CSMD1: variants seen among roughly 807,000 people sequenced by gnomAD.
CSMD1 encodes the protein CUB and sushi domain-containing protein 1.
Under a neutral mutation model 417.5 loss-of-function variants are expected in CSMD1, and 213 were observed. That is an observed-to-expected ratio of 0.51 (90% CI 0.46 to 0.57). The LOEUF (loss-of-function observed/expected upper bound fraction) is 0.57. Among genes scored for constraint, CSMD1 ranks in the 20% least tolerant of loss-of-function variants. The probability of loss-of-function intolerance (pLI) is 0.00; values close to 1 mark genes in which losing one functional copy is unlikely to be tolerated. For synonymous variants in CSMD1, 2,862 were observed against 1,736.8 expected, an observed-to-expected ratio of 1.65 and a Z score of -16.11; for missense variants, 6,923 against 4,529.7, an observed-to-expected ratio of 1.53 and a Z score of -15.17.
chr8:4,016,126 C>A (rs1163575504), intron 4 of CSMD1, among the ~76,000 whole-genome samples: 1 of 152,044 alleles, frequency 6.6e-6, no homozygotes, highest in African/African-American at 2.4e-5. Flanking sequence ...TATAAAAGTT[C>A]ATATAAAACA....
At position 3,087,139 on chromosome 8, in the gene CSMD1, G is replaced by C. The variant is rs545724517; in HGVS notation, c.7432C>G (p.Leu2478Val). Residue 2478 changes from leucine (L) to valine (V), a missense_variant, in exon 49 of 70, where the codon CTT (leucine) becomes GTT (valine). Coordinates refer to ENST00000635120, the MANE Select transcript of CSMD1 (RefSeq NM_033225.6). ...HSNATCRRNP[L>V]GMYQWDSLTP... is the part of the protein sequence containing the mutation. ...AGGGAGTCCCACTGGTACATGCCAAGTGGGTTTCGTCTACAGGTTGCATTG... is the reference window on the plus strand; with the variant it reads ...AGGGAGTCCCACTGGTACATGCCAACTGGGTTTCGTCTACAGGTTGCATTG... 3 of 1,613,816 alleles carry C rather than the reference G, an allele frequency of 1.9e-6. No individual in the cohort carries two copies. Among genetic ancestry groups the C allele is most frequent in the Admixed American group, 3.3e-5 (2 of 60,028 alleles).
At chr8:4,991,340 C>T (rs908248221) in intron 1 of CSMD1, among the ~76,000 whole-genome samples, 1 of 152,194 alleles carries the variant, frequency 6.6e-6, no homozygotes, top group Non-Finnish European at 1.5e-5. Flanking sequence ...AAAAGGAAAT[C>T]GCCAGTGAAT....
chr8:4,221,141 C>T (rs568729505), intron 3 of CSMD1, among the ~76,000 whole-genome samples: 2 of 152,168 alleles, frequency 1.3e-5, no homozygotes, highest in Non-Finnish European at 1.5e-5. Context: ...ATGTAAAGAG[C>T]GGAGGAATAT....
chr8:4,346,666 T>C (rs1218302246), intron 3 of CSMD1, among the ~76,000 whole-genome samples: 2 of 152,204 alleles, frequency 1.3e-5, no homozygotes, highest in Non-Finnish European at 2.9e-5. Flanking sequence ...ATTTTGAATT[T>C]TTTTTCTAAT....
At chr8:3,460,142 T>C (rs550287042) in intron 12 of CSMD1, among the ~76,000 whole-genome samples, 3 of 152,084 alleles carry the variant, frequency 2.0e-5, no homozygotes, top group East Asian at 1.9e-4. Flanking sequence ...TGGTATAGGA[T>C]TGTGTAGCAG....
At chr8:3,557,763 A>T (rs1045807282) in intron 10 of CSMD1, among the ~76,000 whole-genome samples, 14 of 152,166 alleles carry the variant, frequency 9.2e-5, no homozygotes, top group Admixed American at 2.6e-4. Context: ...TAGGTGACAC[A>T]GGTTTTGGTT....
chr8:3,606,505 G>A (rs1338705430), intron 8 of CSMD1, among the ~76,000 whole-genome samples: 3 of 71,516 alleles, frequency 4.2e-5, no homozygotes, highest in Non-Finnish European at 7.9e-5. Flanking sequence ...TTCATATAGG[G>A]TACTCCCTAT....
intron 5 of CSMD1, among the ~76,000 whole-genome samples, chr8:3,994,826 A>C (rs575963874): frequency 1.3e-5 from 2 of 152,314 alleles, no homozygotes; most frequent in Non-Finnish European, 2.9e-5. Context: ...AAATAAGGCT[A>C]ATCCTATTAT....
At chr8:4,131,041 T>A (rs1475113335) in intron 3 of CSMD1, among the ~76,000 whole-genome samples, 7 of 152,180 alleles carry the variant, frequency 4.6e-5, no homozygotes, top group Non-Finnish European at 7.3e-5. Flanking sequence ...CAAGCGTGAT[T>A]GGATTTGTCC....
chr8:4,434,660 C>G (rs763293351), intron 2 of CSMD1, among the ~76,000 whole-genome samples: 1 of 152,096 alleles, frequency 6.6e-6, no homozygotes, highest in Admixed American at 6.6e-5. Flanking sequence ...TATCACAAAC[C>G]CGATTTACTT....
At chr8:2,988,067 G>C (rs1379630791) in intron 54 of CSMD1, among the ~76,000 whole-genome samples, 1 of 152,134 alleles carries the variant, frequency 6.6e-6, no homozygotes, top group East Asian at 1.9e-4. Context: ...AACTATTTTA[G>C]CTATTTTAAC....
chr8:4,021,448 G>C (rs1485135909), intron 4 of CSMD1, among the ~76,000 whole-genome samples: 3 of 152,074 alleles, frequency 2.0e-5, no homozygotes, highest in Non-Finnish European at 4.4e-5. Context: ...TAATTACTAA[G>C]GACCTGGCTT....
intron 11 of CSMD1, 109 bp downstream of exon 11, chr8:3,493,514 T>A: frequency 4.8e-6 from 4 of 828,274 alleles, no homozygotes; most frequent in Non-Finnish European, 5.8e-6. Flanking sequence ...TAGATGGCAC[T>A]AAGCAAACAC....
chr8:4,625,057 A>C (rs1802018481), intron 2 of CSMD1, among the ~76,000 whole-genome samples: 1 of 152,150 alleles, frequency 6.6e-6, no homozygotes, highest in Non-Finnish European at 1.5e-5. Flanking sequence ...AATGACAGTC[A>C]CATTTTAAAA....
At chr8:4,007,963 A>T (rs1816257624) in intron 4 of CSMD1, among the ~76,000 whole-genome samples, 2 of 152,200 alleles carry the variant, frequency 1.3e-5, no homozygotes, top group African/African-American at 4.8e-5. Flanking sequence ...ATTTCAGATA[A>T]AAATTAATTA....
At chr8:4,085,624 T>A (rs1482449220) in intron 3 of CSMD1, among the ~76,000 whole-genome samples, 1 of 152,166 alleles carries the variant, frequency 6.6e-6, no homozygotes, top group African/African-American at 2.4e-5. Flanking sequence ...TCACGGGAAC[T>A]GTGCTAAGTG....
rs116912133 is a variant in CSMD1 at position 3,922,365 on chromosome 8, C to G, written c.818+75538G>C. ...TTTGGATTAAAAAAAAATTAAGTAA[C>G]TTACACATAAAGTAATTATTAATAG... On this transcript the variant is annotated intron_variant, in intron 5 of 69. Coordinates refer to ENST00000635120, the MANE Select transcript of CSMD1 (RefSeq NM_033225.6). Among the ~76,000 whole-genome samples, 166 of 152,090 alleles carry G rather than the reference C, an allele frequency of 1.1e-3. 3 individuals are homozygous for G. In the East Asian group the frequency reaches 0.024, roughly 22 times the overall value.
chr8:4,435,945 T>TG (rs1798125267), intron 2 of CSMD1, among the ~76,000 whole-genome samples: 1 of 152,136 alleles, frequency 6.6e-6, no homozygotes, highest in African/African-American at 2.4e-5. Flanking sequence ...AAATCTACAT[T>TG]CTTAGCCTTT....
At chr8:4,374,711 G>C (rs56832566) in intron 3 of CSMD1, among the ~76,000 whole-genome samples, 9,097 of 152,134 alleles carry the variant, frequency 0.06, 732 homozygotes, top group African/African-American at 0.18. Context: ...AGCTGCATCC[G>C]TGTCTGGAGC....
Sources: gnomAD v4.1 joint callset for allele counts (sites outside exome capture counted in the v4.1 genomes callset) on GRCh38, gnomAD v4.1.1 for gene constraint, MANE v1.5 for transcripts, NCBI Gene and HGNC (gene_info 2026-07-23, HGNC 2026-07-21) for gene names.